The following SNX18 variants were observed in gnomAD, a reference collection of about 807,000 sequenced individuals.
SNX18 encodes sorting nexin-18.
A neutral mutation model predicts 48.7 loss-of-function variants in SNX18; 35 were observed. The observed-to-expected ratio is 0.72, with a 90% confidence interval of 0.55 to 0.95. The LOEUF (loss-of-function observed/expected upper bound fraction) is 0.95. SNX18 is among the 40% of genes least tolerant of loss of function. The pLI, the probability that SNX18 is intolerant of heterozygous loss-of-function variation, is 0.00. For missense variants in SNX18, 824 were observed against 871.0 expected (o/e 0.95, Z 0.68); for synonymous variants, 492 against 384.7 (o/e 1.28, Z -3.26).
chr5:54,644,904 T>C, the SNX18 span: 1 of 152,176 alleles, frequency 6.6e-6, no homozygotes, highest in African/African-American at 2.4e-5. Flanking sequence ...AAAATTAAAC[T>C]CTATCTGGCT....
the SNX18 span, among the ~76,000 whole-genome samples, chr5:54,641,208 A>G: frequency 2.0e-5 from 3 of 152,298 alleles, no homozygotes; most frequent in African/African-American, 7.2e-5. Context: ...AATGCAAGAC[A>G]ATCCTTTCAC....
intron 1 of SNX18, chr5:54,520,229 A>C (rs1386863921): frequency 9.9e-6 from 2 of 201,684 alleles, no homozygotes; most frequent in Non-Finnish European, 2.3e-5. Flanking sequence ...AACTACATAG[A>C]ATGAATATAA....
At chr5:54,577,491 T>C in the SNX18 span, among the ~76,000 whole-genome samples, 2 of 151,966 alleles carry the variant, frequency 1.3e-5, no homozygotes, top group African/African-American at 4.8e-5. Context: ...GCTTTTGCTT[T>C]TGGTAAGGGC....
chr5:54,581,519 C>A, the SNX18 span, among the ~76,000 whole-genome samples: 2 of 152,036 alleles, frequency 1.3e-5, no homozygotes, highest in African/African-American at 4.8e-5. Flanking sequence ...AGACGTCTGG[C>A]GTTCCCACCA....
In SNX18 at chr5:54,544,352, G is replaced by GTTTTGT. The variant is rs1257759499; in HGVS notation, c.*937_*942dup. ...ACACTTGGCTTTAGTTCTTAGGAGGGTTTTGTTTTTGTTTTTGTTTTTAGG... is the reference window on the plus strand; with the variant it reads ...ACACTTGGCTTTAGTTCTTAGGAGGGTTTTGTTTTTGTTTTTGTTTTTGTTTTTAGG... On this transcript the variant is annotated 3_prime_UTR_variant, in exon 2 of 2. Transcript: ENST00000381410. 1 of 151,426 alleles carries GTTTTGT rather than the reference G, an allele frequency of 6.6e-6. No individual in the cohort carries two copies. The highest frequency in any genetic ancestry group is 1.5e-5 in the Non-Finnish European group (1 of 67,896). 9.4% of individuals were successfully genotyped at this position (151,426 alleles called of 1,614,324 possible). A position where few individuals can be genotyped will look rare whatever the true frequency, so the allele number is the denominator to read the frequency against.
chr5:54,615,191 T>C, the SNX18 span, among the ~76,000 whole-genome samples: 1 of 152,210 alleles, frequency 6.6e-6, no homozygotes, highest in African/African-American at 2.4e-5. Flanking sequence ...GCCAAAATTG[T>C]AGTAGGTAAA....
chr5:54,616,824 T>A, the SNX18 span, among the ~76,000 whole-genome samples: 10 of 152,074 alleles, frequency 6.6e-5, no homozygotes, highest in African/African-American at 2.2e-4. Flanking sequence ...ATGTCAGATC[T>A]CCCTTCATAA....
chr5:54,639,245 G>A, the SNX18 span, among the ~76,000 whole-genome samples: 2 of 152,068 alleles, frequency 1.3e-5, no homozygotes, highest in African/African-American at 2.4e-5. Flanking sequence ...CTAGGGACAT[G>A]AGCATTTTAA....
chr5:54,572,735 T>C, the SNX18 span, among the ~76,000 whole-genome samples: 6 of 43,786 alleles, frequency 1.4e-4, no homozygotes, highest in African/African-American at 4.2e-4. Context: ...ATTGTGTGTG[T>C]GTGTGTGTGT....
the SNX18 span, among the ~76,000 whole-genome samples, chr5:54,558,806 A>G: frequency 6.6e-6 from 1 of 152,194 alleles, no homozygotes; most frequent in East Asian, 1.9e-4. Context: ...AACAAATTAT[A>G]ACACATGCCA....
chr5:54,599,901 A>G, the SNX18 span, among the ~76,000 whole-genome samples: 1 of 152,240 alleles, frequency 6.6e-6, no homozygotes. Flanking sequence ...AAGTCTAGAC[A>G]ATACCATACA....
chr5:54,569,662 T>C, the SNX18 span, among the ~76,000 whole-genome samples: 25 of 152,304 alleles, frequency 1.6e-4, no homozygotes, highest in African/African-American at 6.0e-4. Context: ...AGTACCTGCA[T>C]GTAATATCTC....
Position 54,545,069 on chromosome 5 carries a change from G to A in SNX18, c.*1637G>A, listed in dbSNP as rs1299085053. ...TTCTCTCTAAAAAGTAGTTTCATAT[G>A]GGTTGTATTTTTAAGATCAGATTAT... On this transcript the variant is annotated 3_prime_UTR_variant, in exon 2 of 2. Transcript: ENST00000381410. 1 of 152,110 alleles carries A rather than the reference G, an allele frequency of 6.6e-6. No homozygotes were observed. Among genetic ancestry groups the A allele is most frequent in the Non-Finnish European group, 1.5e-5 (1 of 68,016 alleles). 9.4% of individuals were successfully genotyped at this position (152,110 alleles called of 1,614,324 possible).
intron 1 of SNX18, among the ~76,000 whole-genome samples, chr5:54,528,139 T>TACACAC (rs10554517): frequency 1.6e-4 from 24 of 150,234 alleles, no homozygotes; most frequent in East Asian, 7.9e-4. Context: ...TACACGCACA[T>TACACAC]ACACACACAC....
the SNX18 span, among the ~76,000 whole-genome samples, chr5:54,561,659 A>G: frequency 6.6e-6 from 1 of 152,078 alleles, no homozygotes; most frequent in Admixed American, 6.6e-5. Context: ...TTATTATCAT[A>G]AATGCTCCTC....
At chr5:54,589,633 G>A in the SNX18 span, among the ~76,000 whole-genome samples, 1 of 152,272 alleles carries the variant, frequency 6.6e-6, no homozygotes, top group Non-Finnish European at 1.5e-5. Flanking sequence ...AACTCTATGG[G>A]GGTGCCCAAC....
At chr5:54,596,267 C>G in the SNX18 span, among the ~76,000 whole-genome samples, 7 of 151,998 alleles carry the variant, frequency 4.6e-5, no homozygotes, top group Admixed American at 1.3e-4. Flanking sequence ...TATAATATAA[C>G]ACAAATGAGC....
chr5:54,639,119 A>G, the SNX18 span, among the ~76,000 whole-genome samples: 1 of 152,234 alleles, frequency 6.6e-6, no homozygotes, highest in Non-Finnish European at 1.5e-5. Flanking sequence ...TTCTGCCATG[A>G]GTTTCCTAAC....
At chr5:54,590,553 G>A in the SNX18 span, among the ~76,000 whole-genome samples, 1 of 152,172 alleles carries the variant, frequency 6.6e-6, no homozygotes, top group African/African-American at 2.4e-5. Flanking sequence ...TGCAGGTGAT[G>A]TGGATTTCGC....
Sources: gnomAD v4.1 joint callset for allele counts (sites outside exome capture counted in the v4.1 genomes callset) on GRCh38, gnomAD v4.1.1 for gene constraint, MANE v1.5 for transcripts, NCBI Gene and HGNC (gene_info 2026-07-23, HGNC 2026-07-21) for gene names.